The following ADAMTS7 variants were observed in gnomAD, a reference collection of about 807,000 sequenced individuals.
ADAMTS7 encodes A disintegrin and metalloproteinase with thrombospondin motifs 7.
In ADAMTS7, 89 loss-of-function variants were observed where a neutral mutation model predicts 172.6. That is an observed-to-expected ratio of 0.52 (90% CI 0.43 to 0.61). The LOEUF (loss-of-function observed/expected upper bound fraction) is 0.61, where lower values mean the gene tolerates loss of function less well. Among genes scored for constraint, ADAMTS7 ranks in the 20% least tolerant of loss-of-function variants. The pLI is 0.00. For synonymous variants in ADAMTS7, 885 were observed against 978.4 expected (o/e 0.90, Z 1.78); for missense variants, 1,973 against 2,355.6 (o/e 0.84, Z 3.36).
rs773290947 is a variant in ADAMTS7 at position 78,759,552 on chromosome 15, C to T, written c.4930G>A (p.Gly1644Arg). The change falls in exon 24 of 24, where the codon GGG becomes AGG. Residue 1644 changes from glycine to arginine, a missense_variant. Gly to Arg is a moderately radical substitution (Grantham distance 125). This residue lies in a region of ADAMTS7 where 94 missense variants were observed against 95.4 expected (regional missense o/e 0.99). Transcript: ENST00000388820. The part of the protein sequence containing the change: ...PRCERDRLSF[G>R]FCETLRLLGR... Reference sequence around the variant, plus strand: ...AGTAGGCGCAGCGTCTCGCAGAACCCGAAGGACAGGCGGTCCCGCTCACAG... The same window carrying T: ...AGTAGGCGCAGCGTCTCGCAGAACCTGAAGGACAGGCGGTCCCGCTCACAG... 4.2e-5 allele frequency: 67 copies of T among 1,593,008 alleles called. No individual in the cohort carries two copies. Among genetic ancestry groups the T allele is most frequent in the Admixed American group, 2.5e-4 (15 of 59,082 alleles).
Position 78,771,423 on chromosome 15 carries a change from T to C in ADAMTS7, c.2377-120A>G, listed in dbSNP as rs761126181. ...CTACAAGATTGGGCCATTTTAAAGA[T>C]GGGGAAACTGAGGTAGAGGCCGCAG... On this transcript the variant is annotated intron_variant, in intron 15 of 23. Coordinates refer to ENST00000388820, the MANE Select transcript of ADAMTS7 (RefSeq NM_014272.5). The surrounding 1 kb of genome is among the most constrained non-coding windows in gnomAD (Gnocchi z 4.9). 64 of 1,556,754 alleles carry C rather than the reference T, an allele frequency of 4.1e-5. No individual in the cohort carries two copies. Among genetic ancestry groups the C allele is most frequent in the Non-Finnish European group, 5.2e-5 (60 of 1,149,016 alleles).
rs1244098271 is a variant in ADAMTS7, at chr15:78,771,178, T to C, written c.2502A>G (p.Thr834=). Residue 834 remains threonine, a synonymous_variant, in exon 16 of 24, where the codon ACA becomes ACG. Transcript: ENST00000388820. The surrounding 1 kb of genome is among the most constrained non-coding windows in gnomAD (Gnocchi z 4.9). ...ACTTCTCACCTCTGCCGCAGGTGACTGTGCACTTGGTCCAGGGCCCATAAT... is the reference window on the plus strand; with the variant it reads ...ACTTCTCACCTCTGCCGCAGGTGACCGTGCACTTGGTCCAGGGCCCATAAT... ...SWHYGPWTKC[T]VTCGRGVQRQ... is the part of the protein sequence containing the mutation. 1 of 1,610,222 alleles carries C rather than the reference T, an allele frequency of 6.2e-7. No homozygotes were observed. The highest frequency in any genetic ancestry group is 8.5e-7 in the Non-Finnish European group (1 of 1,178,936).
chr15:78,796,866 C>G, intron 3 of ADAMTS7, 80 bp from the exon 4 acceptor site: 3 of 1,328,734 alleles, frequency 2.3e-6, no homozygotes, highest in Non-Finnish European at 3.1e-6. Flanking sequence ...CCTCAGTGAG[C>G]TCTCTCTGGG....
At chr15:78,784,822 G>A (rs1477622366) in intron 8 of ADAMTS7, among the ~76,000 whole-genome samples, 2 of 152,152 alleles carry the variant, frequency 1.3e-5, no homozygotes, top group African/African-American at 4.8e-5. Flanking sequence ...CTGAAGAAGA[G>A]TCACTTCCAA....
chr15:78,796,447 G>A, intron 4 of ADAMTS7, 143 bp downstream of exon 4: 2 of 921,236 alleles, frequency 2.2e-6, no homozygotes, highest in Non-Finnish European at 3.3e-6. Flanking sequence ...CTGGCCTCAG[G>A]AGCTTGGATA....
chr15:78,789,675 G>C lies in ADAMTS7; in HGVS notation c.1178+14C>G. 1 of 1,613,502 alleles carries C rather than the reference G, an allele frequency of 6.2e-7. No homozygotes were observed. Among genetic ancestry groups the C allele is most frequent in the Non-Finnish European group, 8.5e-7 (1 of 1,179,878 alleles). The stretch of plus-strand genomic sequence containing the variant: ...GCTCGGCTCTCAGTGTAGCAATGGG[G>C]GCAGGCACAGTACCTGTGCCCGAGC... On this transcript the variant is annotated intron_variant, in intron 7 of 23. Coordinates refer to ENST00000388820, the MANE Select transcript of ADAMTS7 (RefSeq NM_014272.5).
intron 6 of ADAMTS7, 144 bp from the exon 7 acceptor site, chr15:78,789,982 G>C: frequency 8.3e-7 from 1 of 1,209,826 alleles, no homozygotes; most frequent in East Asian, 2.6e-5. Flanking sequence ...GGCCAGCACG[G>C]TGGCCGCTTG....
rs772428118 is a variant in ADAMTS7, at chr15:78,774,313, G to A, written c.1877-13C>T. ...TCGCAGGGGTTCACTGAGGGCCCAA[G>A]TAGAAGAGTCATCAGCAACAGCTGG... On this transcript the variant is annotated splice_polypyrimidine_tract_variant and intron_variant, in intron 12 of 23. Coordinates refer to ENST00000388820, the MANE Select transcript of ADAMTS7 (RefSeq NM_014272.5). 4.5e-6 allele frequency: 7 copies of A among 1,554,790 alleles called. No individual in the cohort carries two copies. The highest frequency in any genetic ancestry group is 4.6e-4 in the Middle Eastern group (2 of 4,332).
At chr15:78,772,985 G>A (rs1294786801) in intron 14 of ADAMTS7, 98 bp downstream of exon 14, 9 of 1,434,326 alleles carry the variant, frequency 6.3e-6, no homozygotes, top group Non-Finnish European at 7.6e-6. Context: ...TCCAGGCTGG[G>A]TGGGGGCCAC....
chr15:78,774,766 C>T lies in ADAMTS7; in HGVS notation c.1734G>A (p.Val578=). 1 of 1,609,638 alleles carries T rather than the reference C, an allele frequency of 6.2e-7. No homozygotes were observed. Among genetic ancestry groups the T allele is most frequent in the Non-Finnish European group, 8.5e-7 (1 of 1,178,626 alleles). ...PTPKYKGRYC[V]GERKRFRLCN... ...AGAGGCGGAAGCGCTTGCGCTCACC[C>T]ACACAGTATCTGCCTTTGTATTTGG... Residue 578 remains valine (V), a synonymous_variant, in exon 12 of 24, where the codon GTG becomes GTA. Transcript: ENST00000388820.
At chr15:78,791,090 C>T (rs59388839) in intron 5 of ADAMTS7, 50 bp downstream of exon 5, 2 of 1,579,198 alleles carry the variant, frequency 1.3e-6, no homozygotes, top group South Asian at 1.2e-5. Context: ...CAGGAGGGCT[C>T]TGGCAGCCGA....
At chr15:78,764,902 C>T (rs530673547) in intron 19 of ADAMTS7, 195 bp from the exon 20 acceptor site, 8 of 556,144 alleles carry the variant, frequency 1.4e-5, no homozygotes, top group East Asian at 9.9e-5. Context: ...GTCAAATCCC[C>T]TCAGCAACCA....
rs760569953 is a variant in ADAMTS7, at chr15:78,766,812, G to A, written c.3099C>T (p.Ala1033=). 6.2e-7 allele frequency: 1 copy of A among 1,610,212 alleles called. No individual in the cohort carries two copies. Among genetic ancestry groups the A allele is most frequent in the African/African-American group, 1.3e-5 (1 of 74,870 alleles). The change falls in exon 19 of 24, where the codon GCC becomes GCT. Residue 1033 remains alanine, a synonymous_variant. Transcript: ENST00000388820. ...PHHLAPRPSP[A]SSPKPGTMGN... Reference sequence around the variant, plus strand: ...CCATGGTGCCTGGCTTGGGTGATGAGGCGGGTGAAGGGCGTGGGGCCAGGT... The same window carrying A: ...CCATGGTGCCTGGCTTGGGTGATGAAGCGGGTGAAGGGCGTGGGGCCAGGT...
rs760104977 is a variant in ADAMTS7, at chr15:78,776,203, T to C, written c.1691A>G (p.Gln564Arg). 7.4e-6 allele frequency: 12 copies of C among 1,611,028 alleles called. No individual in the cohort carries two copies. The highest frequency in any genetic ancestry group is 1.3e-5 in the African/African-American group (1 of 74,982). ...CGMGVQSAER[Q>R]CTQPTPKYKG... is the part of the protein sequence containing the mutation. ...CCACACTCACGTAGGCTGCGTGCAC[T>C]GCCGCTCGGCGCTCTGTACGCCCAT... The change falls in exon 11 of 24, where the codon CAG (glutamine) becomes CGG (arginine). Residue 564 changes from glutamine (Q) to arginine (R), a missense_variant. By Grantham distance (43) the Gln-to-Arg change is conservative. Around this residue, in one of 8 missense-constraint regions of ADAMTS7, gnomAD observed 526 missense variants for 662.9 expected, o/e 0.79. Coordinates refer to ENST00000388820, the MANE Select transcript of ADAMTS7 (RefSeq NM_014272.5).
At chr15:78,791,109 C>T (rs763096424) in intron 5 of ADAMTS7, 31 bp downstream of exon 5, 52 of 1,601,790 alleles carry the variant, frequency 3.2e-5, no homozygotes, top group Non-Finnish European at 4.4e-5. Context: ...GAAGCCATTG[C>T]CGGGCAGCGT....
Position 78,800,504 on chromosome 15 carries a change from C to T in ADAMTS7, c.144G>A (p.Pro48=). 1 of 1,607,654 alleles carries T rather than the reference C, an allele frequency of 6.2e-7. No homozygotes were observed. Among genetic ancestry groups the T allele is most frequent in the Non-Finnish European group, 8.5e-7 (1 of 1,177,692 alleles). Residue 48 remains proline, a synonymous_variant, in exon 2 of 24, where the codon CCG becomes CCA. Transcript: ENST00000388820. ...AGGAGCCCCCCGCGTCGACTCGAAC[C>T]GGGTGCACGATGTCCAGTGCCGCCC... is the stretch of plus-strand genomic sequence containing the variant. The part of the protein sequence containing the change: ...EGRAALDIVH[P]VRVDAGGSFL...
At chr15:78,773,860 T>C (rs1264365593) in intron 13 of ADAMTS7, among the ~76,000 whole-genome samples, 1 of 152,214 alleles carries the variant, frequency 6.6e-6, no homozygotes, top group East Asian at 1.9e-4. Context: ...TCCGGTTTCC[T>C]GGCTGGGGCG....
At chr15:78,793,583 T>C (rs1328147091) in intron 4 of ADAMTS7, among the ~76,000 whole-genome samples, 1 of 152,214 alleles carries the variant, frequency 6.6e-6, no homozygotes, top group East Asian at 1.9e-4. Flanking sequence ...AGCATCTTTT[T>C]TTCACAGTGC....
chr15:78,806,135 A>C (rs796239575), intron 1 of ADAMTS7, among the ~76,000 whole-genome samples: 354 of 107,994 alleles, frequency 3.3e-3, no homozygotes, highest in East Asian at 0.01. Context: ...CACAAAAAAA[A>C]AAAAAAAAAA....
Sources: gnomAD v4.1 joint callset for allele counts (sites outside exome capture counted in the v4.1 genomes callset) on GRCh38, gnomAD v4.1.1 for gene constraint, gnomAD v4.1.1 regional missense constraint, Gnocchi (gnomAD v3.1) non-coding constraint, MANE v1.5 for transcripts, NCBI Gene and HGNC (gene_info 2026-07-23, HGNC 2026-07-21) for gene names.